SPATA31D3: variants seen among roughly 807,000 people sequenced by gnomAD.
SPATA31D3 encodes the protein spermatogenesis-associated protein 31D3.
For missense variants in SPATA31D3, 91 were observed against 297.9 expected (o/e 0.31, Z 5.11); for synonymous variants, 27 against 107.8 (o/e 0.25, Z 4.65).
In SPATA31D3 at chr9:81,949,600, C is replaced by A; in HGVS notation, c.*1593C>A. Reference sequence around the variant, plus strand: ...AATAGATATCACCTGTCCCCAGGAGCCCCTTTCCTCCCCAGTGCAGCTTGG... The same window carrying A: ...AATAGATATCACCTGTCCCCAGGAGACCCTTTCCTCCCCAGTGCAGCTTGG... On this transcript the variant is annotated 3_prime_UTR_variant, in exon 4 of 4. Coordinates refer to ENST00000445385, the MANE Select transcript of SPATA31D3 (RefSeq NM_207416.3). The A allele has an allele frequency of 1.5e-6, 1 of 674,340 alleles. No homozygotes were observed. Among genetic ancestry groups the A allele is most frequent in the Non-Finnish European group, 2.7e-6 (1 of 365,822 alleles). The allele number at this position is 674,340 out of a possible 1,614,324, so 41.8% of individuals were successfully genotyped here.
In SPATA31D3 at chr9:81,947,837, G is replaced by A. The variant is rs747439366; in HGVS notation, c.2584G>A (p.Glu862Lys). The change falls in exon 4 of 4, where the codon GAG (glutamate) becomes AAG (lysine). Residue 862 changes from glutamate to lysine, a missense_variant. Coordinates refer to ENST00000445385, the MANE Select transcript of SPATA31D3 (RefSeq NM_207416.3). Reference protein sequence around the residue: ...HSVKQTICLPEKSHSQIKHRN... With the variant: ...HSVKQTICLPKKSHSQIKHRN... ...AGTCAAGCAGACAATATGTCTTCCTGAGAAATCCCACAGCCAAATTAAACA... is the reference window on the plus strand; with the variant it reads ...AGTCAAGCAGACAATATGTCTTCCTAAGAAATCCCACAGCCAAATTAAACA... 1.9e-6 allele frequency: 3 copies of A among 1,606,718 alleles called. No individual in the cohort carries two copies. Among genetic ancestry groups the A allele is most frequent in the Non-Finnish European group, 2.5e-6 (3 of 1,177,202 alleles).
rs1012025276 is a variant in SPATA31D3, at chr9:81,949,449, G to T, written c.*1442G>T. 2.4e-6 allele frequency: 1 copy of T among 408,686 alleles called. No individual in the cohort carries two copies. The highest frequency in any genetic ancestry group is 3.0e-5 in the South Asian group (1 of 32,922). 25.3% of individuals were successfully genotyped at this position (408,686 alleles called of 1,614,324 possible). ...GTTCCTAGGAAAAGGGTAGCTCCTTGTCATCATCTGTGCAGAATAGAGGTC... is the reference window on the plus strand; with the variant it reads ...GTTCCTAGGAAAAGGGTAGCTCCTTTTCATCATCTGTGCAGAATAGAGGTC... On this transcript the variant is annotated 3_prime_UTR_variant, in exon 4 of 4. Transcript: ENST00000445385.
At position 81,949,917 on chromosome 9, in the gene SPATA31D3, TG is replaced by T. The variant is rs1824005135; in HGVS notation, c.*1912del. 1.6e-6 allele frequency: 1 copy of T among 615,018 alleles called. No individual in the cohort carries two copies. The highest frequency in any genetic ancestry group is 2.9e-6 in the Non-Finnish European group (1 of 342,678). 38.1% of individuals were successfully genotyped at this position (615,018 alleles called of 1,614,324 possible). On this transcript the variant is annotated 3_prime_UTR_variant, in exon 4 of 4. Coordinates refer to ENST00000445385, the MANE Select transcript of SPATA31D3 (RefSeq NM_207416.3). ...CCCCACTTGCAGTGTGAAGTCAACC[TG>T]GTGCCTCCGGTCATCCTGACCAGTG... is the stretch of plus-strand genomic sequence containing the variant.
In SPATA31D3 at chr9:81,949,969, G is replaced by A; in HGVS notation, c.*1962G>A. The A allele has an allele frequency of 2.4e-6, 1 of 423,364 alleles. No homozygotes were observed. The highest frequency in any genetic ancestry group is 5.0e-5 in the South Asian group (1 of 19,818). 26.2% of individuals were successfully genotyped at this position (423,364 alleles called of 1,614,324 possible). ...CTAAAAACACTGTGTTCAGTGATGT[G>A]CCTTTACTAACTGGACAGAAAATAC... On this transcript the variant is annotated 3_prime_UTR_variant, in exon 4 of 4. Coordinates refer to ENST00000445385, the MANE Select transcript of SPATA31D3 (RefSeq NM_207416.3).
chr9:81,948,044 C>A lies in SPATA31D3; in HGVS notation c.*37C>A, dbSNP rs774596726. 1.3e-5 allele frequency: 21 copies of A among 1,599,524 alleles called. No homozygotes were observed. Among genetic ancestry groups the A allele is most frequent in the South Asian group, 4.5e-5 (4 of 88,928 alleles). On this transcript the variant is annotated 3_prime_UTR_variant, in exon 4 of 4. Coordinates refer to ENST00000445385, the MANE Select transcript of SPATA31D3 (RefSeq NM_207416.3). Reference sequence around the variant, plus strand: ...GGCCTTCCCCGCAAGATCCGTGAACCCACAGAAATCTTCAAATCAGAAGAG... The same window carrying A: ...GGCCTTCCCCGCAAGATCCGTGAACACACAGAAATCTTCAAATCAGAAGAG...
intron 3 of SPATA31D3, 68 bp downstream of exon 3, chr9:81,945,300 T>TTTTTTTTTC (rs1823873915): frequency 8.0e-7 from 1 of 1,251,972 alleles, no homozygotes; most frequent in African/African-American, 1.7e-5. Context: ...TTTTTTTTTT[T>TTTTTTTTTC]TTTTTTTTTT....
rs547010298 is a variant in SPATA31D3, at chr9:81,949,613, C to T, written c.*1606C>T. ...TGTCCCCAGGAGCCCCTTTCCTCCC[C>T]AGTGCAGCTTGGGAAATCTCAGAAT... On this transcript the variant is annotated 3_prime_UTR_variant, in exon 4 of 4. Transcript: ENST00000445385. 12 of 727,562 alleles carry T rather than the reference C, an allele frequency of 1.6e-5. No individual in the cohort carries two copies. The highest frequency in any genetic ancestry group is 2.7e-5 in the Non-Finnish European group (11 of 404,944). 45.1% of individuals were successfully genotyped at this position (727,562 alleles called of 1,614,324 possible).
At position 81,949,696 on chromosome 9, in the gene SPATA31D3, G is replaced by C. The variant is rs1219601439; in HGVS notation, c.*1689G>C. On this transcript the variant is annotated 3_prime_UTR_variant, in exon 4 of 4. Transcript: ENST00000445385. ...CCAGGGCTATCCCTGCAACTACATG[G>C]CTCCCTCCTGCAAAGTGACATGTAC... 2.9e-6 allele frequency: 4 copies of C among 1,381,892 alleles called. No individual in the cohort carries two copies. The allele number at this position is 1,381,892 out of a possible 1,614,324, so 85.6% of individuals were successfully genotyped here. A position where few individuals can be genotyped will look rare whatever the true frequency, so the allele number is the denominator to read the frequency against.
Position 81,949,810 on chromosome 9 carries a change from G to T in SPATA31D3, c.*1803G>T. 8.2e-7 allele frequency: 1 copy of T among 1,214,828 alleles called. No homozygotes were observed. Among genetic ancestry groups the T allele is most frequent in the Non-Finnish European group, 1.2e-6 (1 of 827,242 alleles). 75.3% of individuals were successfully genotyped at this position (1,214,828 alleles called of 1,614,324 possible). ...CATAGACAAGGACAGATAGCCCCAG[G>T]AAGTTGGACATTTAAGGGGAAGATA... On this transcript the variant is annotated 3_prime_UTR_variant, in exon 4 of 4. Coordinates refer to ENST00000445385, the MANE Select transcript of SPATA31D3 (RefSeq NM_207416.3).
chr9:81,945,386 C>T (rs1458672527), intron 3 of SPATA31D3, among the ~76,000 whole-genome samples, 154 bp downstream of exon 3: 6 of 58,280 alleles, frequency 1.0e-4, no homozygotes, highest in Non-Finnish European at 1.8e-4. Context: ...GCCATAGGAA[C>T]GGATATGTGA....
At position 81,949,848 on chromosome 9, in the gene SPATA31D3, C is replaced by A; in HGVS notation, c.*1841C>A. 1.0e-6 allele frequency: 1 copy of A among 959,766 alleles called. No individual in the cohort carries two copies. Among genetic ancestry groups the A allele is most frequent in the Non-Finnish European group, 1.6e-6 (1 of 612,956 alleles). 59.5% of individuals were successfully genotyped at this position (959,766 alleles called of 1,614,324 possible). On this transcript the variant is annotated 3_prime_UTR_variant, in exon 4 of 4. Coordinates refer to ENST00000445385, the MANE Select transcript of SPATA31D3 (RefSeq NM_207416.3). ...TAAGGGGAAGATATTGTGTCAAAGG[C>A]ATCCCCAATCCATGCCCCACAGGAA... is the stretch of plus-strand genomic sequence containing the variant.
At position 81,950,010 on chromosome 9, in the gene SPATA31D3, A is replaced by T. The variant is rs1441873088; in HGVS notation, c.*2003A>T. ...CAGAAAATACTTCCAAAGCATTTGC[A>T]GGGAGGAAAATTTCCCCCCAAAAAA... is the stretch of plus-strand genomic sequence containing the variant. On this transcript the variant is annotated 3_prime_UTR_variant, in exon 4 of 4. Transcript: ENST00000445385. The T allele has an allele frequency of 5.8e-6, 2 of 344,710 alleles. No individual in the cohort carries two copies. The highest frequency in any genetic ancestry group is 1.0e-4 in the East Asian group (2 of 20,056). 21.4% of individuals were successfully genotyped at this position (344,710 alleles called of 1,614,324 possible).
At position 81,948,850 on chromosome 9, in the gene SPATA31D3, A is replaced by G. The variant is rs2133370993; in HGVS notation, c.*843A>G. Reference sequence around the variant, plus strand: ...CGTGAAAAGAAGCACTTCTCATGAAACTGAAATTTTCCCACCAAGAATATC... The same window carrying G: ...CGTGAAAAGAAGCACTTCTCATGAAGCTGAAATTTTCCCACCAAGAATATC... On this transcript the variant is annotated 3_prime_UTR_variant, in exon 4 of 4. Transcript: ENST00000445385. 1 of 285,982 alleles carries G rather than the reference A, an allele frequency of 3.5e-6. No individual in the cohort carries two copies. The highest frequency in any genetic ancestry group is 6.8e-5 in the Admixed American group (1 of 14,724). 17.7% of individuals were successfully genotyped at this position (285,982 alleles called of 1,614,324 possible). A position where few individuals can be genotyped will look rare whatever the true frequency, so the allele number is the denominator to read the frequency against.
Position 81,949,803 on chromosome 9 carries a change from G to T in SPATA31D3, c.*1796G>T, listed in dbSNP as rs1823998556. 8.0e-7 allele frequency: 1 copy of T among 1,252,612 alleles called. No homozygotes were observed. The highest frequency in any genetic ancestry group is 2.3e-5 in the East Asian group (1 of 42,770). The allele number at this position is 1,252,612 out of a possible 1,614,324, so 77.6% of individuals were successfully genotyped here. On this transcript the variant is annotated 3_prime_UTR_variant, in exon 4 of 4. Transcript: ENST00000445385. Reference sequence around the variant, plus strand: ...GACAGATCATAGACAAGGACAGATAGCCCCAGGAAGTTGGACATTTAAGGG... The same window carrying T: ...GACAGATCATAGACAAGGACAGATATCCCCAGGAAGTTGGACATTTAAGGG...
Position 81,945,536 on chromosome 9 carries a change from C to A in SPATA31D3, c.294-11C>A. The A allele has an allele frequency of 9.1e-6, 1 of 110,306 alleles. No individual in the cohort carries two copies. Among genetic ancestry groups the A allele is most frequent in the Non-Finnish European group, 1.6e-5 (1 of 64,276 alleles). The allele number at this position is 110,306 out of a possible 1,614,324, so 6.8% of individuals were successfully genotyped here. A position where few individuals can be genotyped will look rare whatever the true frequency, so the allele number is the denominator to read the frequency against. On this transcript the variant is annotated splice_polypyrimidine_tract_variant and intron_variant, in intron 3 of 3. Transcript: ENST00000445385. Reference sequence around the variant, plus strand: ...CAGATCCTCATTTCCTTGTTCTGATCCTGGCTGCAGCTTTGGACCTCCTGT... The same window carrying A: ...CAGATCCTCATTTCCTTGTTCTGATACTGGCTGCAGCTTTGGACCTCCTGT...
In SPATA31D3 at chr9:81,949,957, G is replaced by A. The variant is rs779570448; in HGVS notation, c.*1950G>A. 4.5e-4 allele frequency: 213 copies of A among 474,578 alleles called. 1 individual carries two copies. The highest frequency in any genetic ancestry group is 3.4e-3 in the Middle Eastern group (11 of 3,274). The allele number at this position is 474,578 out of a possible 1,614,324, so 29.4% of individuals were successfully genotyped here. A position where few individuals can be genotyped will look rare whatever the true frequency, so the allele number is the denominator to read the frequency against. On this transcript the variant is annotated 3_prime_UTR_variant, in exon 4 of 4. Coordinates refer to ENST00000445385, the MANE Select transcript of SPATA31D3 (RefSeq NM_207416.3). ...TCCTGACCAGTGCTAAAAACACTGTGTTCAGTGATGTGCCTTTACTAACTG... is the reference window on the plus strand; with the variant it reads ...TCCTGACCAGTGCTAAAAACACTGTATTCAGTGATGTGCCTTTACTAACTG...
At position 81,949,730 on chromosome 9, in the gene SPATA31D3, GC is replaced by G; in HGVS notation, c.*1724del. 1 of 1,410,148 alleles carries G rather than the reference GC, an allele frequency of 7.1e-7. No individual in the cohort carries two copies. The highest frequency in any genetic ancestry group is 1.0e-6 in the Non-Finnish European group (1 of 999,498). 87.4% of individuals were successfully genotyped at this position (1,410,148 alleles called of 1,614,324 possible). The stretch of plus-strand genomic sequence containing the variant: ...TGCAAAGTGACATGTACCAAATCTT[GC>G]AGCCAACAAGCTATCTTTGTCGGCC... On this transcript the variant is annotated 3_prime_UTR_variant, in exon 4 of 4. Transcript: ENST00000445385.
Position 81,949,454 on chromosome 9 carries a change from C to G in SPATA31D3, c.*1447C>G. 1 of 421,814 alleles carries G rather than the reference C, an allele frequency of 2.4e-6. No individual in the cohort carries two copies. The highest frequency in any genetic ancestry group is 4.8e-5 in the East Asian group (1 of 20,766). The allele number at this position is 421,814 out of a possible 1,614,324, so 26.1% of individuals were successfully genotyped here. On this transcript the variant is annotated 3_prime_UTR_variant, in exon 4 of 4. Coordinates refer to ENST00000445385, the MANE Select transcript of SPATA31D3 (RefSeq NM_207416.3). ...TAGGAAAAGGGTAGCTCCTTGTCAT[C>G]ATCTGTGCAGAATAGAGGTCGAGTT...
In SPATA31D3 at chr9:81,945,646, C is replaced by G. The variant is rs982300930; in HGVS notation, c.393C>G (p.Asn131Lys). The change falls in exon 4 of 4, where the codon AAC becomes AAG. Residue 131 changes from asparagine to lysine, a missense_variant. Physicochemically the swap from Asn to Lys is moderately conservative, Grantham distance 94. Coordinates refer to ENST00000445385, the MANE Select transcript of SPATA31D3 (RefSeq NM_207416.3). ...LCPDPVCRVC[N>K]RATADIQRLL... ...CAGACCCTGTCTGTCGGGTGTGTAA[C>G]AGAGCAACTGCTGATATCCAGCGAC... 2.7e-3 allele frequency: 310 copies of G among 115,738 alleles called. 14 individuals carry two copies. In the African/African-American group the frequency reaches 0.058, roughly 21 times the overall value. 7.2% of individuals were successfully genotyped at this position (115,738 alleles called of 1,614,324 possible). A position where few individuals can be genotyped will look rare whatever the true frequency, so the allele number is the denominator to read the frequency against.
Sources: allele counts gnomAD v4.1 joint callset (sites outside exome capture counted in the v4.1 genomes callset), GRCh38; gene constraint gnomAD v4.1.1; transcripts MANE v1.5; gene names NCBI Gene and HGNC (gene_info 2026-07-23, HGNC 2026-07-21).